NRXN1: variants seen among roughly 807,000 people sequenced by gnomAD.
The protein encoded by NRXN1 is neurexin 1.
A neutral mutation model predicts 150.9 loss-of-function variants in NRXN1; 39 were observed. The observed-to-expected ratio is 0.26, with a 90% CI of 0.20 to 0.34. NRXN1 has a LOEUF of 0.34. Ranked by LOEUF, NRXN1 falls within the 10% of genes least tolerant of loss-of-function variation. The pLI is 1.00. For missense variants in NRXN1, 1,815 were observed against 1,949.9 expected, an observed-to-expected ratio of 0.93 and a Z score of 1.30; for synonymous variants, 924 against 757.0, an observed-to-expected ratio of 1.22 and a Z score of -3.62.
chr2:50,483,164 G>C (rs544395400), intron 15 of NRXN1, among the ~76,000 whole-genome samples: 6 of 151,278 alleles, frequency 4.0e-5, no homozygotes, highest in Non-Finnish European at 7.4e-5. Context: ...TTATTAGCTT[G>C]CTAAAAGACA....
At chr2:50,952,463 T>C (rs1158621699) in intron 2 of NRXN1, among the ~76,000 whole-genome samples, 1 of 152,024 alleles carries the variant, frequency 6.6e-6, no homozygotes, top group Non-Finnish European at 1.5e-5. Flanking sequence ...GAATGAATAA[T>C]GTTTTTGTTT....
chr2:50,349,128 CAT>C (rs1376507280), intron 17 of NRXN1, among the ~76,000 whole-genome samples: 2 of 152,138 alleles, frequency 1.3e-5, no homozygotes, highest in East Asian at 1.9e-4. Flanking sequence ...AGCAATCACA[CAT>C]GTCACATTCC....
intron 21 of NRXN1, among the ~76,000 whole-genome samples, chr2:49,985,191 G>A (rs892854759): frequency 2.6e-5 from 4 of 152,078 alleles, no homozygotes; most frequent in African/African-American, 9.7e-5. Flanking sequence ...ATAACACCTA[G>A]CAGAGAAACT....
At chr2:50,276,591 C>G (rs1487711290) in intron 17 of NRXN1, among the ~76,000 whole-genome samples, 1 of 152,096 alleles carries the variant, frequency 6.6e-6, no homozygotes, top group African/African-American at 2.4e-5. Flanking sequence ...CATTAGAGAC[C>G]TCAGCTACAT....
intron 5 of NRXN1, among the ~76,000 whole-genome samples, chr2:50,717,600 G>A (rs948580367): frequency 6.6e-6 from 1 of 152,100 alleles, no homozygotes; most frequent in Non-Finnish European, 1.5e-5. Flanking sequence ...TGAAATGGAC[G>A]AATTTCACTT....
intron 2 of NRXN1, among the ~76,000 whole-genome samples, chr2:51,004,415 A>G (rs1322858567): frequency 6.6e-6 from 1 of 152,050 alleles, no homozygotes; most frequent in Non-Finnish European, 1.5e-5. Context: ...ATAAGTCATC[A>G]GCCTAGCTGA....
At chr2:50,310,530 A>C (rs949941735) in intron 17 of NRXN1, among the ~76,000 whole-genome samples, 3 of 152,190 alleles carry the variant, frequency 2.0e-5, no homozygotes, top group African/African-American at 7.2e-5. Flanking sequence ...CTCCTCAGGC[A>C]AGTGTATAAG....
intron 2 of NRXN1, among the ~76,000 whole-genome samples, chr2:50,982,615 C>G (rs781622729): frequency 2.6e-5 from 4 of 151,950 alleles, no homozygotes; most frequent in Non-Finnish European, 5.9e-5. Context: ...CATTTTTAAC[C>G]CAAAGTTATC....
In NRXN1 at chr2:50,320,293, T is replaced by C. The variant is rs1166494943; in HGVS notation, c.3365-83323A>G. On this transcript the variant is annotated intron_variant, in intron 17 of 22. Coordinates refer to ENST00000401669, the MANE Select transcript of NRXN1 (RefSeq NM_001330078.2). The stretch of plus-strand genomic sequence containing the variant: ...TTCTTATACCTCAATCATATATATA[T>C]ATATATATATATATATATATATATA... Among the ~76,000 whole-genome samples the C allele has an allele frequency of 5.4e-4, 54 of 99,902 alleles. 2 individuals carry two copies. The highest frequency in any genetic ancestry group is 1.6e-3 in the African/African-American group (34 of 21,326). 65.5% of individuals were successfully genotyped at this position (99,902 alleles called of 152,430 possible).
At chr2:50,596,297 G>A (rs955011167) in intron 8 of NRXN1, among the ~76,000 whole-genome samples, 8 of 84,642 alleles carry the variant, frequency 9.5e-5, no homozygotes, top group Admixed American at 6.3e-4. Flanking sequence ...TTCTCAGATC[G>A]TTGTCCTTTC....
At chr2:50,388,954 G>T (rs900248618) in intron 17 of NRXN1, among the ~76,000 whole-genome samples, 4 of 152,052 alleles carry the variant, frequency 2.6e-5, no homozygotes, top group African/African-American at 9.7e-5. Flanking sequence ...ATCTTGTGGC[G>T]TTAGCAGTAT....
intron 5 of NRXN1, among the ~76,000 whole-genome samples, chr2:50,850,862 C>G (rs1674416716): frequency 6.6e-6 from 1 of 152,024 alleles, no homozygotes. Context: ...AAGAACTTTC[C>G]TAGTCAGTAC....
At chr2:50,836,629 G>C (rs1351199378) in intron 5 of NRXN1, among the ~76,000 whole-genome samples, 1 of 151,822 alleles carries the variant, frequency 6.6e-6, no homozygotes, top group Non-Finnish European at 1.5e-5. Context: ...TTTCATCCAA[G>C]TTGTCAAAAA....
intron 2 of NRXN1, among the ~76,000 whole-genome samples, chr2:51,007,646 A>C (rs1346485509): frequency 6.6e-6 from 1 of 151,884 alleles, no homozygotes; most frequent in African/African-American, 2.4e-5. Context: ...AGAGTTAGAC[A>C]GGTTAAATAC....
intron 21 of NRXN1, among the ~76,000 whole-genome samples, chr2:49,990,216 G>T (rs1406171394): frequency 1.3e-5 from 2 of 152,180 alleles, no homozygotes; most frequent in East Asian, 3.9e-4. Flanking sequence ...GCCAACATAT[G>T]ACTACAGGGG....
chr2:50,235,739 C>T (rs969374007), intron 18 of NRXN1, among the ~76,000 whole-genome samples: 1 of 151,726 alleles, frequency 6.6e-6, no homozygotes, highest in African/African-American at 2.4e-5. Flanking sequence ...TAGGGAAAGA[C>T]AAAACAAAAT....
At chr2:50,949,989 G>A (rs540009254) in intron 2 of NRXN1, among the ~76,000 whole-genome samples, 9 of 152,226 alleles carry the variant, frequency 5.9e-5, no homozygotes, top group African/African-American at 1.9e-4. Context: ...TTACATAACT[G>A]TGAAGGCAGG....
intron 5 of NRXN1, among the ~76,000 whole-genome samples, chr2:50,854,821 A>G (rs965105849): frequency 2.0e-5 from 3 of 152,066 alleles, no homozygotes; most frequent in African/African-American, 4.8e-5. Context: ...TTTCATAACT[A>G]TAAATTACTT....
At chr2:50,590,058 A>G (rs1309792864) in intron 8 of NRXN1, among the ~76,000 whole-genome samples, 3 of 152,246 alleles carry the variant, frequency 2.0e-5, no homozygotes. Flanking sequence ...TAACTGTGTA[A>G]GGTTCATTGC....
Sources: gnomAD v4.1 joint callset for allele counts (sites outside exome capture counted in the v4.1 genomes callset) on GRCh38, gnomAD v4.1.1 for gene constraint, MANE v1.5 for transcripts, NCBI Gene and HGNC (gene_info 2026-07-23, HGNC 2026-07-21) for gene names.